CGNL1: variants seen among roughly 807,000 people sequenced by gnomAD.
The protein encoded by CGNL1 is cingulin like 1, also known as cingulin-like protein 1.
A neutral mutation model predicts 141.2 loss-of-function variants in CGNL1; 132 were observed. The observed-to-expected ratio is 0.93, with a 90% CI of 0.81 to 1.08. The LOEUF (loss-of-function observed/expected upper bound fraction) is 1.08. CGNL1 is among the 50% of genes least tolerant of loss of function. CGNL1 has a pLI of 0.00. For missense variants in CGNL1, 1,870 were observed against 1,588.6 expected, an observed-to-expected ratio of 1.18 and a Z score of -3.01; for synonymous variants, 690 against 622.1, an observed-to-expected ratio of 1.11 and a Z score of -1.63.
At position 57,518,442 on chromosome 15, in the gene CGNL1, A is replaced by C. The variant is rs1157661406; in HGVS notation, c.2660A>C (p.Glu887Ala). The C allele has an allele frequency of 3.7e-6, 6 of 1,613,258 alleles. No homozygotes were observed. The East Asian group carries it at 1.1e-4, about 30-fold the overall frequency. The change falls in exon 10 of 19, where the codon GAA (glutamate) becomes GCA (alanine). Residue 887 changes from glutamate (E) to alanine (A), a missense_variant. Glu to Ala is a moderately radical substitution (Grantham distance 107). Coordinates refer to ENST00000281282, the MANE Select transcript of CGNL1 (RefSeq NM_032866.5). ...GCCCTTGTGCACGCCAGAAAGGAAG[A>C]AAAAGAAGCTGTGTCAGCCAGAAGG... ...EEALVHARKEEKEAVSARRAL... is the reference protein window; with the variant it reads ...EEALVHARKEAKEAVSARRAL...
intron 10 of CGNL1, among the ~76,000 whole-genome samples, chr15:57,522,135 C>T (rs1487150422): frequency 6.6e-6 from 1 of 152,206 alleles, no homozygotes; most frequent in Non-Finnish European, 1.5e-5. Context: ...CACTGAACTT[C>T]TGATTACCTT....
chr15:57,414,017 C>T (rs1213910584), intron 1 of CGNL1, among the ~76,000 whole-genome samples: 2 of 152,164 alleles, frequency 1.3e-5, no homozygotes, highest in African/African-American at 2.4e-5. Flanking sequence ...GTCTTAAAGC[C>T]TCAAGTGACT....
intron 11 of CGNL1, among the ~76,000 whole-genome samples, chr15:57,524,099 G>T (rs2031451621): frequency 6.6e-6 from 1 of 152,170 alleles, no homozygotes; most frequent in Non-Finnish European, 1.5e-5. Flanking sequence ...CTGTATTCTG[G>T]GAGTTGACAC....
At chr15:57,381,835 A>G (rs1222636269) in intron 1 of CGNL1, among the ~76,000 whole-genome samples, 1 of 152,218 alleles carries the variant, frequency 6.6e-6, no homozygotes, top group Non-Finnish European at 1.5e-5. Flanking sequence ...AGACCTAAAG[A>G]GAAAGTATTC....
intron 8 of CGNL1, among the ~76,000 whole-genome samples, chr15:57,487,265 C>T (rs2063797517): frequency 6.6e-6 from 1 of 152,054 alleles, no homozygotes; most frequent in Non-Finnish European, 1.5e-5. Context: ...AAATGAGTTG[C>T]AAAGAACAAC....
chr15:57,544,394 T>C (rs2032736301), intron 15 of CGNL1, 79 bp from the exon 16 acceptor site: 1 of 1,555,100 alleles, frequency 6.4e-7, no homozygotes, highest in Non-Finnish European at 8.8e-7. Flanking sequence ...AAACACCAGG[T>C]TCTGCCCCAT....
At chr15:57,400,909 AAAG>A (rs1241912312) in intron 1 of CGNL1, among the ~76,000 whole-genome samples, 5 of 151,142 alleles carry the variant, frequency 3.3e-5, no homozygotes, top group Admixed American at 2.6e-4. Context: ...AAAAAAAAAA[AAAG>A]GCATGTTTGC....
chr15:57,494,039 A>T (rs142481995), intron 8 of CGNL1, among the ~76,000 whole-genome samples: 12 of 152,244 alleles, frequency 7.9e-5, no homozygotes, highest in African/African-American at 2.7e-4. Flanking sequence ...GAGATGGACA[A>T]TAAGTGCTAA....
At chr15:57,459,586 C>A (rs2152331040) in intron 7 of CGNL1, among the ~76,000 whole-genome samples, 1 of 152,224 alleles carries the variant, frequency 6.6e-6, no homozygotes, top group African/African-American at 2.4e-5. Flanking sequence ...CGTGGATTGC[C>A]ATAGAGGCTG....
intron 8 of CGNL1, among the ~76,000 whole-genome samples, chr15:57,477,027 T>A (rs2063665267): frequency 6.6e-6 from 1 of 152,222 alleles, no homozygotes; most frequent in Non-Finnish European, 1.5e-5. Context: ...TTCTTTTTGT[T>A]TTATTTGTTA....
intron 3 of CGNL1, 35 bp from the exon 4 acceptor site, chr15:57,442,338 G>GTCCC (rs1166163139): frequency 7.6e-7 from 1 of 1,322,414 alleles, no homozygotes; most frequent in African/African-American, 1.4e-5. Context: ...CAGTGGTTGT[G>GTCCC]TCCCTCATTG....
intron 1 of CGNL1, chr15:57,393,929 CTT>C (rs58215581): frequency 0.043 from 5,703 of 131,526 alleles, 157 homozygotes; most frequent in African/African-American, 0.079. Flanking sequence ...CATGTATTAA[CTT>C]TTTTTTTTTT....
At chr15:57,435,386 A>C (rs1429478173) in intron 1 of CGNL1, among the ~76,000 whole-genome samples, 3 of 150,402 alleles carry the variant, frequency 2.0e-5, no homozygotes, top group Admixed American at 1.3e-4. Flanking sequence ...AAGTATTAGA[A>C]GAAATAGCTG....
At chr15:57,383,320 G>A in intron 1 of CGNL1, among the ~76,000 whole-genome samples, 1 of 73,626 alleles carries the variant, frequency 1.4e-5, no homozygotes, top group African/African-American at 9.1e-5. Flanking sequence ...TTTTGATACA[G>A]AGTTGCCCAG....
chr15:57,465,390 T>C (rs1305714875), intron 8 of CGNL1, among the ~76,000 whole-genome samples: 1 of 145,934 alleles, frequency 6.9e-6, no homozygotes. Flanking sequence ...TGACTTTTTT[T>C]TTTTTTTTTT....
intron 1 of CGNL1, among the ~76,000 whole-genome samples, chr15:57,381,045 T>A (rs1283280209): frequency 1.3e-5 from 2 of 152,208 alleles, no homozygotes; most frequent in African/African-American, 4.8e-5. Flanking sequence ...TGTTTTTCCC[T>A]TGGGTAGGTG....
At chr15:57,518,113 C>T (rs911622226) in intron 9 of CGNL1, among the ~76,000 whole-genome samples, 1 of 151,728 alleles carries the variant, frequency 6.6e-6, no homozygotes, top group Non-Finnish European at 1.5e-5. Context: ...CATGACCAGC[C>T]AGAGCAATAT....
intron 1 of CGNL1, among the ~76,000 whole-genome samples, chr15:57,419,133 T>C (rs1454481465): frequency 1.3e-5 from 2 of 152,154 alleles, no homozygotes; most frequent in Admixed American, 6.5e-5. Context: ...GGTTTCACCA[T>C]GTTGGTCAGG....
intron 8 of CGNL1, among the ~76,000 whole-genome samples, chr15:57,498,506 G>A (rs2063976433): frequency 6.6e-6 from 1 of 151,830 alleles, no homozygotes; most frequent in Admixed American, 6.6e-5. Flanking sequence ...TGCCCAACCT[G>A]TTTTTGTTTG....
Sources: allele counts gnomAD v4.1 joint callset (sites outside exome capture counted in the v4.1 genomes callset), GRCh38; gene constraint gnomAD v4.1.1; transcripts MANE v1.5; gene names NCBI Gene and HGNC (gene_info 2026-07-23, HGNC 2026-07-21).